Variants in THSD7A observed in about 807,000 individuals in gnomAD.
THSD7A encodes the protein thrombospondin type 1 domain containing 7A, also known as thrombospondin type-1 domain-containing protein 7A.
Under a neutral mutation model 231.3 loss-of-function variants are expected in THSD7A, and 96 were observed. The observed-to-expected ratio is 0.41, with a 90% CI of 0.35 to 0.49. THSD7A has a LOEUF of 0.49. THSD7A is among the 20% of genes least tolerant of loss of function. THSD7A has a pLI of 0.05. For missense variants in THSD7A, 2,290 were observed against 2,070.2 expected (o/e 1.11, Z -2.06); for synonymous variants, 940 against 743.3 (o/e 1.26, Z -4.30).
At chr7:11,763,304 C>G (rs780640509) in intron 1 of THSD7A, among the ~76,000 whole-genome samples, 6 of 152,166 alleles carry the variant, frequency 3.9e-5, no homozygotes, top group Admixed American at 6.6e-5. Context: ...CTTACCAACT[C>G]TTTTCAATTT....
intron 1 of THSD7A, among the ~76,000 whole-genome samples, chr7:11,678,773 A>T (rs1041942144): frequency 6.6e-6 from 1 of 152,168 alleles, no homozygotes; most frequent in Non-Finnish European, 1.5e-5. Context: ...AGAGGTACAA[A>T]GAGGAGCTGG....
chr7:11,578,832 T>C (rs1334900777), intron 4 of THSD7A, among the ~76,000 whole-genome samples: 1 of 152,194 alleles, frequency 6.6e-6, no homozygotes, highest in African/African-American at 2.4e-5. Context: ...AGGTGATGCT[T>C]AGCTTAGAGA....
intron 1 of THSD7A, among the ~76,000 whole-genome samples, chr7:11,678,954 A>T (rs1228985654): frequency 6.6e-6 from 1 of 152,306 alleles, no homozygotes. Flanking sequence ...CCTCGATAAA[A>T]TTCTGGCAAA....
chr7:11,585,726 C>A (rs1189101156), intron 4 of THSD7A, among the ~76,000 whole-genome samples: 1 of 152,070 alleles, frequency 6.6e-6, no homozygotes, highest in African/African-American at 2.4e-5. Flanking sequence ...AAGGTGGGAA[C>A]TGTGGCTGGA....
intron 4 of THSD7A, among the ~76,000 whole-genome samples, chr7:11,554,737 A>G (rs1459364139): frequency 6.6e-6 from 1 of 151,278 alleles, no homozygotes; most frequent in Admixed American, 6.6e-5. Context: ...TTTGGTCTGT[A>G]TTTTTCTTTT....
intron 1 of THSD7A, among the ~76,000 whole-genome samples, chr7:11,737,613 A>G (rs1405000610): frequency 6.6e-6 from 1 of 152,064 alleles, no homozygotes; most frequent in African/African-American, 2.4e-5. Context: ...AACTAAGGAC[A>G]GGGATCCAAA....
intron 2 of THSD7A, among the ~76,000 whole-genome samples, chr7:11,630,961 C>G (rs1424020013): frequency 6.6e-6 from 1 of 152,186 alleles, no homozygotes. Flanking sequence ...CCTCTCCCTA[C>G]TCCTCCTCCA....
intron 6 of THSD7A, among the ~76,000 whole-genome samples, chr7:11,514,618 TAA>T (rs1246021172): frequency 1.3e-5 from 2 of 152,198 alleles, no homozygotes; most frequent in Non-Finnish European, 2.9e-5. Flanking sequence ...ACATTTTAAA[TAA>T]GTGTTTTTTG....
chr7:11,769,090 T>G (rs933990943), intron 1 of THSD7A, among the ~76,000 whole-genome samples: 48 of 135,928 alleles, frequency 3.5e-4, no homozygotes, highest in Non-Finnish European at 6.4e-4. Context: ...CCTGAGTAGC[T>G]GCGATTACAG....
chr7:11,753,204 T>C (rs1440475119), intron 1 of THSD7A, among the ~76,000 whole-genome samples: 1 of 152,090 alleles, frequency 6.6e-6, no homozygotes, highest in African/African-American at 2.4e-5. Flanking sequence ...AATCAATTTG[T>C]TTGTTTGAAG....
intron 4 of THSD7A, among the ~76,000 whole-genome samples, chr7:11,566,965 T>TAGCGGGGGGGGGGGGGGGGGGGGGGG: frequency 1.1e-5 from 1 of 92,388 alleles, no homozygotes; most frequent in East Asian, 3.3e-4. Context: ...TGTGGGAGAG[T>TAGCGGGGGGGGGGGGGGGGGGGGGGG]GGGGGGGGGA....
At chr7:11,425,573 A>G (rs2115417402) in intron 15 of THSD7A, among the ~76,000 whole-genome samples, 1 of 152,212 alleles carries the variant, frequency 6.6e-6, no homozygotes, top group East Asian at 1.9e-4. Flanking sequence ...TTTTTTTAGT[A>G]CAATGAACCA....
chr7:11,801,328 C>CT (rs575890885), intron 1 of THSD7A, among the ~76,000 whole-genome samples: 2 of 151,896 alleles, frequency 1.3e-5, no homozygotes, highest in South Asian at 4.2e-4. Flanking sequence ...GTCTTTCTTC[C>CT]TTTTTTTGTT....
chr7:11,772,344 C>T (rs1011231910), intron 1 of THSD7A, among the ~76,000 whole-genome samples: 10 of 152,232 alleles, frequency 6.6e-5, no homozygotes, highest in African/African-American at 2.4e-4. Context: ...AACAGAACTA[C>T]CATTTGACCC....
At chr7:11,802,891 C>T (rs1784313529) in intron 1 of THSD7A, among the ~76,000 whole-genome samples, 1 of 152,082 alleles carries the variant, frequency 6.6e-6, no homozygotes, top group Non-Finnish European at 1.5e-5. Context: ...ATGAGAAAAT[C>T]TAGACATAAC....
At chr7:11,530,506 C>G (rs904464139) in intron 6 of THSD7A, among the ~76,000 whole-genome samples, 1 of 152,120 alleles carries the variant, frequency 6.6e-6, no homozygotes, top group African/African-American at 2.4e-5. Context: ...ATAATTACGA[C>G]ATGATACCTA....
At chr7:11,463,132 C>A (rs1210942954) in intron 9 of THSD7A, among the ~76,000 whole-genome samples, 1 of 152,132 alleles carries the variant, frequency 6.6e-6, no homozygotes, top group African/African-American at 2.4e-5. Flanking sequence ...GGATTAGCAG[C>A]TCCTAACAAT....
intron 1 of THSD7A, among the ~76,000 whole-genome samples, chr7:11,652,863 A>G (rs1782558318): frequency 6.6e-6 from 1 of 151,990 alleles, no homozygotes; most frequent in South Asian, 2.1e-4. Context: ...ATAAAAGTCA[A>G]CTGAATTTTG....
At chr7:11,464,003 T>C (rs915456914) in intron 9 of THSD7A, among the ~76,000 whole-genome samples, 7 of 152,228 alleles carry the variant, frequency 4.6e-5, no homozygotes, top group Admixed American at 3.9e-4. Context: ...CAGAGCTAAT[T>C]TTCTTCTCAG....
Sources: gnomAD v4.1 joint callset for allele counts (sites outside exome capture counted in the v4.1 genomes callset) on GRCh38, gnomAD v4.1.1 for gene constraint, MANE v1.5 for transcripts, NCBI Gene and HGNC (gene_info 2026-07-23, HGNC 2026-07-21) for gene names.